Variants in IQSEC1 observed in about 807,000 individuals in gnomAD.
IQSEC1 encodes the protein IQ motif and SEC7 domain-containing protein 1.
Under a neutral mutation model 91.0 loss-of-function variants are expected in IQSEC1, and 31 were observed. The observed-to-expected ratio is 0.34, with a 90% CI of 0.26 to 0.46. The LOEUF is 0.46. IQSEC1 is among the 20% of genes least tolerant of loss of function. The pLI is 1.00. For synonymous variants in IQSEC1, 699 were observed against 662.6 expected (o/e 1.05, Z -0.84); for missense variants, 1,388 against 1,575.6 (o/e 0.88, Z 2.02).
chr3:13,078,761 G>A (rs1243429535), intron 2 of IQSEC1, among the ~76,000 whole-genome samples: 2 of 152,174 alleles, frequency 1.3e-5, no homozygotes, highest in African/African-American at 2.4e-5. Flanking sequence ...TTCATGGGGC[G>A]CTGGAGCCGG....
At chr3:12,964,906 T>C (rs959969716) in intron 1 of IQSEC1, among the ~76,000 whole-genome samples, 4 of 152,202 alleles carry the variant, frequency 2.6e-5, no homozygotes, top group Non-Finnish European at 4.4e-5. Flanking sequence ...GAAACATCTA[T>C]TTGCCCAGTT....
intron 1 of IQSEC1, among the ~76,000 whole-genome samples, chr3:13,200,546 G>A (rs1346797773): frequency 1.3e-5 from 2 of 152,220 alleles, no homozygotes; most frequent in African/African-American, 4.8e-5. Flanking sequence ...TAACGAGGTT[G>A]AGAAGGTGAA....
chr3:13,054,150 G>A (rs1258144693), intron 1 of IQSEC1, among the ~76,000 whole-genome samples: 1 of 152,170 alleles, frequency 6.6e-6, no homozygotes, highest in Non-Finnish European at 1.5e-5. Flanking sequence ...TGTCTCTCTC[G>A]TTGGCCCTGG....
chr3:13,099,231 C>T (rs1041346049), intron 2 of IQSEC1, among the ~76,000 whole-genome samples: 1 of 152,138 alleles, frequency 6.6e-6, no homozygotes, highest in Non-Finnish European at 1.5e-5. Context: ...GTGAGACCTT[C>T]AGGGAAGTTG....
intron 2 of IQSEC1, among the ~76,000 whole-genome samples, chr3:13,091,228 T>C (rs1409240026): frequency 6.6e-6 from 1 of 152,120 alleles, no homozygotes; most frequent in Non-Finnish European, 1.5e-5. Context: ...GTCACCACTC[T>C]CCGAGGGCAG....
chr3:13,205,321 G>A (rs1694324387), intron 1 of IQSEC1, among the ~76,000 whole-genome samples: 1 of 152,086 alleles, frequency 6.6e-6, no homozygotes, highest in African/African-American at 2.4e-5. Flanking sequence ...GACTAGTTCA[G>A]TCACTCAGCC....
chr3:13,030,378 G>A (rs1703799562), intron 1 of IQSEC1, among the ~76,000 whole-genome samples: 2 of 152,282 alleles, frequency 1.3e-5, no homozygotes, highest in South Asian at 2.1e-4. Flanking sequence ...TGGATTATAG[G>A]CATGAGCCAC....
intron 1 of IQSEC1, among the ~76,000 whole-genome samples, chr3:13,015,328 G>T (rs182534895): frequency 1.5e-4 from 23 of 152,324 alleles, no homozygotes; most frequent in African/African-American, 5.5e-4. Flanking sequence ...GGTCTAACGC[G>T]CAGGGGAGCT....
chr3:12,966,610 T>G (rs552404767), intron 1 of IQSEC1, among the ~76,000 whole-genome samples: 2 of 152,020 alleles, frequency 1.3e-5, no homozygotes, highest in East Asian at 3.9e-4. Flanking sequence ...CACAGGCCCC[T>G]AAGTAGAAAA....
intron 1 of IQSEC1, among the ~76,000 whole-genome samples, chr3:12,984,142 G>A (rs1166997430): frequency 6.6e-6 from 1 of 152,194 alleles, no homozygotes; most frequent in Non-Finnish European, 1.5e-5. Context: ...AAATTCACCA[G>A]GCTGGGTCTA....
chr3:13,121,097 T>C (rs1214816919), intron 2 of IQSEC1, among the ~76,000 whole-genome samples: 1 of 152,204 alleles, frequency 6.6e-6, no homozygotes, highest in African/African-American at 2.4e-5. Flanking sequence ...TCCTCGGCCC[T>C]GACTATCACA....
chr3:13,012,847 T>C (rs1702946818), intron 1 of IQSEC1, among the ~76,000 whole-genome samples: 1 of 152,036 alleles, frequency 6.6e-6, no homozygotes, highest in Non-Finnish European at 1.5e-5. Flanking sequence ...GGATTTTCTG[T>C]CACTTGCTAC....
In IQSEC1 at chr3:12,909,568, G is replaced by T; in HGVS notation, c.2417-134C>A. 1 of 810,546 alleles carries T rather than the reference G, an allele frequency of 1.2e-6. No homozygotes were observed. Among genetic ancestry groups the T allele is most frequent in the Non-Finnish European group, 2.0e-6 (1 of 510,718 alleles). 50.2% of individuals were successfully genotyped at this position (810,546 alleles called of 1,614,324 possible). ...GATAAGTGCCGGGAGTCCAGCCTCCGCAGTGGCAGGCTGCAGGGGTGCAGA... is the reference window on the plus strand; with the variant it reads ...GATAAGTGCCGGGAGTCCAGCCTCCTCAGTGGCAGGCTGCAGGGGTGCAGA... On this transcript the variant is annotated intron_variant, in intron 10 of 13. Transcript: ENST00000613206. The surrounding 1 kb of genome is among the most constrained non-coding windows in gnomAD (Gnocchi z 4.9).
At position 12,967,734 on chromosome 3, in the gene IQSEC1, C is replaced by A. The variant is rs1700683060; in HGVS notation, c.24-25869G>T. 3 of 1,056,016 alleles carry A rather than the reference C, an allele frequency of 2.8e-6. No homozygotes were observed. The highest frequency in any genetic ancestry group is 2.3e-6 in the Non-Finnish European group (2 of 876,472). The allele number at this position is 1,056,016 out of a possible 1,614,324, so 65.4% of individuals were successfully genotyped here. Reference sequence around the variant, plus strand: ...CGGAGGAATGTGGCCCTGAAGTGGGCGGGGCAGGGCGGGGGCGGGGCCGGA... The same window carrying A: ...CGGAGGAATGTGGCCCTGAAGTGGGAGGGGCAGGGCGGGGGCGGGGCCGGA... On this transcript the variant is annotated intron_variant, in intron 1 of 13. Transcript: ENST00000613206. The surrounding 1 kb of genome is among the most constrained non-coding windows in gnomAD (Gnocchi z 5.9).
At chr3:13,054,006 C>T (rs1328531585) in intron 1 of IQSEC1, among the ~76,000 whole-genome samples, 3 of 152,254 alleles carry the variant, frequency 2.0e-5, no homozygotes, top group African/African-American at 2.4e-5. Flanking sequence ...CTCCACTCTG[C>T]GAAACACTTT....
chr3:13,163,635 A>G (rs1424438415), intron 2 of IQSEC1, among the ~76,000 whole-genome samples: 1 of 152,124 alleles, frequency 6.6e-6, no homozygotes, highest in Non-Finnish European at 1.5e-5. Context: ...TGGGGCGAGG[A>G]TGGGCAGGGG....
intron 12 of IQSEC1, among the ~76,000 whole-genome samples, chr3:12,903,921 G>T (rs1694671037): frequency 6.6e-6 from 1 of 152,334 alleles, no homozygotes. Flanking sequence ...CTCACAGGCA[G>T]CAGGGTTCAC....
At chr3:13,077,690 G>A (rs1306077611), upstream of IQSEC1, among the ~76,000 whole-genome samples, 2 of 152,208 alleles carry the variant, frequency 1.3e-5, no homozygotes, top group African/African-American at 4.8e-5. Flanking sequence ...TCACGTGCAG[G>A]TGGCTGACGG....
At chr3:12,998,788 G>A (rs139962355) in intron 1 of IQSEC1, among the ~76,000 whole-genome samples, 48 of 152,158 alleles carry the variant, frequency 3.2e-4, no homozygotes, top group African/African-American at 9.4e-4. Flanking sequence ...GGTGATGACC[G>A]AGGGTGAACT....
Sources: gnomAD v4.1 joint callset for allele counts (sites outside exome capture counted in the v4.1 genomes callset) on GRCh38, gnomAD v4.1.1 for gene constraint, Gnocchi (gnomAD v3.1) non-coding constraint, MANE v1.5 for transcripts, NCBI Gene and HGNC (gene_info 2026-07-23, HGNC 2026-07-21) for gene names.